TACC2: variants seen among roughly 807,000 people sequenced by gnomAD.
TACC2 encodes transforming acidic coiled-coil-containing protein 2.
In TACC2, 137 loss-of-function variants were observed where a neutral mutation model predicts 227.3. That is an observed-to-expected ratio of 0.60 (90% CI 0.52 to 0.69). The LOEUF is 0.69. TACC2 is among the 30% of genes least tolerant of loss of function. TACC2 has a pLI of 0.00. For synonymous variants in TACC2, 1,523 were observed against 1,487.5 expected, an observed-to-expected ratio of 1.02 and a Z score of -0.55; for missense variants, 3,470 against 3,694.4, an observed-to-expected ratio of 0.94 and a Z score of 1.57.
At position 122,050,415 on chromosome 10, in the gene TACC2, A is replaced by C. The variant is rs774364233; in HGVS notation, c.34-23A>C. ...GAGACTCCTATCTGATTTCCTTTCC[A>C]ATTTCTTTTTCTCCTGGCTCAGAGG... is the stretch of plus-strand genomic sequence containing the variant. On this transcript the variant is annotated intron_variant, in intron 2 of 22. Transcript: ENST00000369005. The surrounding 1 kb of genome is among the most constrained non-coding windows in gnomAD (Gnocchi z 4.6). 1 of 1,592,970 alleles carries C rather than the reference A, an allele frequency of 6.3e-7. No individual in the cohort carries two copies. The highest frequency in any genetic ancestry group is 1.7e-5 in the Admixed American group (1 of 58,834).
chr10:122,227,413 A>G (rs777392197), intron 13 of TACC2, among the ~76,000 whole-genome samples: 2 of 152,178 alleles, frequency 1.3e-5, no homozygotes, highest in Non-Finnish European at 2.9e-5. Context: ...AACAATGATG[A>G]TGGTGGTTAT....
intron 9 of TACC2, among the ~76,000 whole-genome samples, chr10:122,212,545 C>T (rs2095317030): frequency 6.6e-6 from 1 of 152,198 alleles, no homozygotes; most frequent in Middle Eastern, 3.2e-3. Flanking sequence ...GATTTCCTTA[C>T]TCTTACGGGA....
At chr10:122,224,841 G>A (rs1589725959) in intron 12 of TACC2, 54 bp downstream of exon 12, 2 of 1,456,412 alleles carry the variant, frequency 1.4e-6, no homozygotes, top group East Asian at 2.3e-5. Context: ...GCCTTCAGGG[G>A]CCTCCTCCCC....
intron 18 of TACC2, among the ~76,000 whole-genome samples, chr10:122,238,632 G>A (rs1422590525): frequency 6.6e-6 from 1 of 151,986 alleles, no homozygotes; most frequent in African/African-American, 2.4e-5. Context: ...TGTATTTTTA[G>A]TAGAGTCAGG....
chr10:122,122,353 C>T (rs2085994068), intron 5 of TACC2, among the ~76,000 whole-genome samples: 1 of 152,040 alleles, frequency 6.6e-6, no homozygotes, highest in Middle Eastern at 3.2e-3. Context: ...GAAACTCCGT[C>T]TCAAAAAATA....
intron 11 of TACC2, among the ~76,000 whole-genome samples, chr10:122,217,461 G>A (rs1483948921): frequency 1.1e-5 from 1 of 87,940 alleles, no homozygotes; most frequent in African/African-American, 4.2e-5. Flanking sequence ...TTTTTTTTGA[G>A]ATGGGGTTTC....
At chr10:122,026,252 C>T (rs1342070309) in intron 2 of TACC2, among the ~76,000 whole-genome samples, 6 of 136,794 alleles carry the variant, frequency 4.4e-5, no homozygotes, top group Non-Finnish European at 7.6e-5. Flanking sequence ...AGCATGAACC[C>T]GGGAGGCGGA....
intron 5 of TACC2, among the ~76,000 whole-genome samples, chr10:122,100,781 TA>T (rs1362663779): frequency 6.6e-6 from 1 of 152,128 alleles, no homozygotes; most frequent in Non-Finnish European, 1.5e-5. Flanking sequence ...GAGAAAGGTG[TA>T]AGTGCAGAAG....
At chr10:122,235,764 G>T (rs1057335584) in intron 16 of TACC2, among the ~76,000 whole-genome samples, 1 of 152,108 alleles carries the variant, frequency 6.6e-6, no homozygotes, top group Non-Finnish European at 1.5e-5. Context: ...CTCTGCTGAG[G>T]GCTATTAGTA....
chr10:122,082,826 C>T lies in TACC2; in HGVS notation c.326C>T (p.Ser109Phe), dbSNP rs1591803099. The T allele has an allele frequency of 1.9e-6, 3 of 1,613,596 alleles. No homozygotes were observed. Among genetic ancestry groups the T allele is most frequent in the Admixed American group, 1.7e-5 (1 of 60,000 alleles). The change falls in exon 4 of 23, where the codon TCC becomes TTC. Residue 109 changes from serine (S) to phenylalanine (F), a missense_variant. Around this residue, in one of 10 missense-constraint regions of TACC2, gnomAD observed 405 missense variants for 389.6 expected, o/e 1.04. Coordinates refer to ENST00000369005, the MANE Select transcript of TACC2 (RefSeq NM_206862.4). Reference protein sequence around the residue: ...PPSQEREHPSSSMPFAECPPE... With the variant: ...PPSQEREHPSFSMPFAECPPE... ...TCCCAGGAGCGAGAGCACCCCTCGT[C>T]CTCCATGCCCTTTGCCGAGTGTCCC...
chr10:121,996,585 A>G (rs1953530581), intron 1 of TACC2, among the ~76,000 whole-genome samples: 1 of 152,194 alleles, frequency 6.6e-6, no homozygotes, highest in African/African-American at 2.4e-5. Context: ...AAAATACAAG[A>G]TTCATTTCTT....
chr10:122,184,837 T>C (rs1404283427), intron 7 of TACC2, among the ~76,000 whole-genome samples: 1 of 152,134 alleles, frequency 6.6e-6, no homozygotes, highest in Non-Finnish European at 1.5e-5. Context: ...CTGGGAGTTA[T>C]CCTGATTGTA....
chr10:122,194,363 C>T lies in TACC2; in HGVS notation c.5835-677C>T, dbSNP rs990183311. ...GAGAACAGACTTTCCTGCAGACCAGCGAGGGCCATTTTCACTGTGTCGGGG... is the reference window on the plus strand; with the variant it reads ...GAGAACAGACTTTCCTGCAGACCAGTGAGGGCCATTTTCACTGTGTCGGGG... On this transcript the variant is annotated intron_variant, in intron 7 of 22. Coordinates refer to ENST00000369005, the MANE Select transcript of TACC2 (RefSeq NM_206862.4). The surrounding 1 kb of genome is among the most constrained non-coding windows in gnomAD (Gnocchi z 4.4). 1.3e-5 allele frequency among the ~76,000 whole-genome samples: 2 copies of T among 152,172 alleles called. No individual in the cohort carries two copies. Among genetic ancestry groups the T allele is most frequent in the African/African-American group, 4.8e-5 (2 of 41,442 alleles).
At chr10:122,227,517 T>C (rs1441851325) in intron 13 of TACC2, among the ~76,000 whole-genome samples, 2 of 152,332 alleles carry the variant, frequency 1.3e-5, no homozygotes, top group African/African-American at 4.8e-5. Context: ...GAGAGGTCCA[T>C]TGTCTCCATC....
intron 8 of TACC2, among the ~76,000 whole-genome samples, chr10:122,196,311 C>T (rs998151452): frequency 6.6e-6 from 1 of 152,180 alleles, no homozygotes; most frequent in African/African-American, 2.4e-5. Context: ...AGCAAACCCC[C>T]GTGCTGGGAC....
At chr10:122,059,148 C>A (rs951709001) in intron 3 of TACC2, among the ~76,000 whole-genome samples, 1 of 150,728 alleles carries the variant, frequency 6.6e-6, no homozygotes, top group Admixed American at 6.7e-5. Flanking sequence ...GAACTCCTGA[C>A]CTTGTGATCC....
At chr10:122,148,977 G>A (rs1001753803) in intron 7 of TACC2, among the ~76,000 whole-genome samples, 11 of 152,234 alleles carry the variant, frequency 7.2e-5, no homozygotes, top group East Asian at 1.9e-4. Context: ...CCCCTCCATC[G>A]TAGCCCTCCT....
chr10:121,989,754 A>G (rs4752628), intron 1 of TACC2, among the ~76,000 whole-genome samples: 121,810 of 145,852 alleles, frequency 0.84, 49,325 homozygotes, highest in South Asian at 0.9. Context: ...AATTAATTTT[A>G]TTTTTTTTTT....
chr10:122,189,112 G>A (rs994154465), intron 7 of TACC2, among the ~76,000 whole-genome samples: 1 of 152,032 alleles, frequency 6.6e-6, no homozygotes, highest in Admixed American at 6.6e-5. Context: ...CAGTTTGTCA[G>A]CCCTTAAAAA....
Sources: allele counts gnomAD v4.1 joint callset (sites outside exome capture counted in the v4.1 genomes callset), GRCh38; gene constraint gnomAD v4.1.1; regional missense constraint gnomAD v4.1.1; non-coding constraint Gnocchi (gnomAD v3.1); transcripts MANE v1.5; gene names NCBI Gene and HGNC (gene_info 2026-07-23, HGNC 2026-07-21).